ALG10B: variants seen among roughly 807,000 people sequenced by gnomAD.
ALG10B encodes the protein dol-P-Glc:Glc(2)Man(9)GlcNAc(2)-PP-Dol alpha-1,2-glucosyltransferase B.
In ALG10B, 27 loss-of-function variants were observed where a neutral mutation model predicts 38.7. The observed-to-expected ratio is 0.70, with a 90% CI of 0.51 to 0.96. The LOEUF (loss-of-function observed/expected upper bound fraction) is 0.96, where lower values mean the gene tolerates loss of function less well. Ranked by LOEUF, ALG10B falls within the 40% of genes least tolerant of loss-of-function variation. ALG10B has a pLI of 0.00. For missense variants in ALG10B, 522 were observed against 542.7 expected, an observed-to-expected ratio of 0.96 and a Z score of 0.38; for synonymous variants, 177 against 193.3, an observed-to-expected ratio of 0.92 and a Z score of 0.70.
Position 38,328,840 on chromosome 12 carries a change from C to T in ALG10B, c.*7627C>T, listed in dbSNP as rs1286854537. On this transcript the variant is annotated 3_prime_UTR_variant, in exon 3 of 3. Transcript: ENST00000308742. ...CCACAAACAATGAGTGATGATATCT[C>T]ATTTGAAAACTCGTGTAACATTGTA... 1.1e-5 allele frequency: 2 copies of T among 188,336 alleles called. No individual in the cohort carries two copies. Among genetic ancestry groups the T allele is most frequent in the African/African-American group, 4.6e-5 (2 of 43,122 alleles). The allele number at this position is 188,336 out of a possible 1,614,324, so 11.7% of individuals were successfully genotyped here.
At position 38,329,087 on chromosome 12, in the gene ALG10B, A is replaced by T; in HGVS notation, c.*7874A>T. ...GAGAAAGGCATGAAGTCTACCTTCA[A>T]ATTCATGGCATTTTAGAAGGAAAAA... On this transcript the variant is annotated 3_prime_UTR_variant, in exon 3 of 3. Coordinates refer to ENST00000308742, the MANE Select transcript of ALG10B (RefSeq NM_001013620.4). The T allele has an allele frequency of 2.5e-6, 1 of 397,268 alleles. No homozygotes were observed. The highest frequency in any genetic ancestry group is 1.3e-4 in the South Asian group (1 of 7,622). The allele number at this position is 397,268 out of a possible 1,614,324, so 24.6% of individuals were successfully genotyped here. A position where few individuals can be genotyped will look rare whatever the true frequency, so the allele number is the denominator to read the frequency against.
In ALG10B at chr12:38,317,072, G is replaced by A. The variant is rs775066889; in HGVS notation, c.171+8G>A. ...CATTTCTCCCTTTCCCAGGTGGGGT[G>A]CCCAACCTGTCCCCACCCCAGGAGA... On this transcript the variant is annotated splice_region_variant and intron_variant, in intron 1 of 2. Transcript: ENST00000308742. 6.2e-7 allele frequency: 1 copy of A among 1,613,942 alleles called. No homozygotes were observed. The highest frequency in any genetic ancestry group is 1.3e-5 in the African/African-American group (1 of 74,892).
chr12:38,316,909 G>A lies in ALG10B; in HGVS notation c.16G>A (p.Gly6Ser), dbSNP rs760677128. 1.2e-6 allele frequency: 2 copies of A among 1,614,146 alleles called. No homozygotes were observed. The highest frequency in any genetic ancestry group is 2.2e-5 in the East Asian group (1 of 44,854). ...GGGAGCAGGAATGGCGCAGCTAGAG[G>A]GTTACTGTTTCTCGGCCGCCTTGAG... is the stretch of plus-strand genomic sequence containing the variant. MAQLE[G>S]YCFSAALSCT... The change falls in exon 1 of 3, where the codon GGT (glycine) becomes AGT (serine). Residue 6 changes from glycine (G) to serine (S), a missense_variant. Gly to Ser is a moderately conservative substitution (Grantham distance 56, BLOSUM62 0). Transcript: ENST00000308742.
Position 38,329,102 on chromosome 12 carries a change from A to G in ALG10B, c.*7889A>G, listed in dbSNP as rs1357882441. ...TCTACCTTCAAATTCATGGCATTTTAGAAGGAAAAATTGTCGCAAGTAATG... is the reference window on the plus strand; with the variant it reads ...TCTACCTTCAAATTCATGGCATTTTGGAAGGAAAAATTGTCGCAAGTAATG... On this transcript the variant is annotated 3_prime_UTR_variant, in exon 3 of 3. Coordinates refer to ENST00000308742, the MANE Select transcript of ALG10B (RefSeq NM_001013620.4). The G allele has an allele frequency of 2.5e-6, 1 of 397,698 alleles. No homozygotes were observed. The highest frequency in any genetic ancestry group is 4.4e-6 in the Non-Finnish European group (1 of 225,606). 24.6% of individuals were successfully genotyped at this position (397,698 alleles called of 1,614,324 possible).
chr12:38,317,245 T>C (rs1323135453), intron 1 of ALG10B, 181 bp downstream of exon 1: 12 of 856,364 alleles, frequency 1.4e-5, no homozygotes, highest in Non-Finnish European at 1.9e-5. Flanking sequence ...ATTTATTAAA[T>C]GAATGAATAA....
rs1269721653 is a variant in ALG10B, at chr12:38,323,723, T to C, written c.*2510T>C. 2.9e-5 allele frequency: 17 copies of C among 594,734 alleles called. No individual in the cohort carries two copies. The highest frequency in any genetic ancestry group is 4.2e-5 in the Non-Finnish European group (14 of 336,942). 36.8% of individuals were successfully genotyped at this position (594,734 alleles called of 1,614,324 possible). A position where few individuals can be genotyped will look rare whatever the true frequency, so the allele number is the denominator to read the frequency against. ...TCGGCATTAGTTATAACAGTGATTG[T>C]AGAAAAACGTGTTTTACCCAGACTT... On this transcript the variant is annotated 3_prime_UTR_variant, in exon 3 of 3. Transcript: ENST00000308742.
Position 38,316,876 on chromosome 12 carries a change from G to A in ALG10B, c.-18G>A. 1 of 1,614,112 alleles carries A rather than the reference G, an allele frequency of 6.2e-7. No homozygotes were observed. Among genetic ancestry groups the A allele is most frequent in the Non-Finnish European group, 8.5e-7 (1 of 1,179,990 alleles). ...TTTTCCAGGAGTGGGTTCTTGGGCA[G>A]TGGCTGTGGGAGCAGGAATGGCGCA... On this transcript the variant is annotated 5_prime_UTR_variant, in exon 1 of 3. It adds an upstream start codon to the 5' untranslated region. Transcript: ENST00000308742.
In ALG10B at chr12:38,327,046, T is replaced by C. The variant is rs1459353007; in HGVS notation, c.*5833T>C. 3 of 149,256 alleles carry C rather than the reference T, an allele frequency of 2.0e-5. No individual in the cohort carries two copies. The allele number at this position is 149,256 out of a possible 1,614,324, so 9.2% of individuals were successfully genotyped here. A position where few individuals can be genotyped will look rare whatever the true frequency, so the allele number is the denominator to read the frequency against. On this transcript the variant is annotated 3_prime_UTR_variant, in exon 3 of 3. Coordinates refer to ENST00000308742, the MANE Select transcript of ALG10B (RefSeq NM_001013620.4). ...AAATACATATATATATATTTATATATACAAATATATACGTATTTATATATA... is the reference window on the plus strand; with the variant it reads ...AAATACATATATATATATTTATATACACAAATATATACGTATTTATATATA...
chr12:38,321,406 C>G lies in ALG10B; in HGVS notation c.*193C>G, dbSNP rs1266814899. 13 of 497,744 alleles carry G rather than the reference C, an allele frequency of 2.6e-5. No individual in the cohort carries two copies. The East Asian group carries it at 3.1e-4, about 12-fold the overall frequency. 30.8% of individuals were successfully genotyped at this position (497,744 alleles called of 1,614,324 possible). ...GCAAAGAACTGGGAAAGCTTAAGAC[C>G]TGCTTCAAAAGCCTGAATAATGGGA... On this transcript the variant is annotated 3_prime_UTR_variant, in exon 3 of 3. Transcript: ENST00000308742.
Position 38,329,482 on chromosome 12 carries a change from A to AC in ALG10B, c.*8269_*8270insC, listed in dbSNP as rs1299007485. 8.8e-6 allele frequency: 3 copies of AC among 340,716 alleles called. No individual in the cohort carries two copies. 21.1% of individuals were successfully genotyped at this position (340,716 alleles called of 1,614,324 possible). ...ACAGGACATACTTTAGATATTTGAAAAATTCTCTGTGGAATCACAATCTCT... is the reference window on the plus strand; with the variant it reads ...ACAGGACATACTTTAGATATTTGAAACAATTCTCTGTGGAATCACAATCTCT... On this transcript the variant is annotated 3_prime_UTR_variant, in exon 3 of 3. Transcript: ENST00000308742.
At position 38,320,425 on chromosome 12, in the gene ALG10B, G is replaced by T. The variant is rs751486321; in HGVS notation, c.634G>T (p.Glu212Ter). Residue 212 changes from glutamate (E) to a stop codon, truncating the protein, a stop_gained, in exon 3 of 3, where the codon GAG becomes TAG. Transcript: ENST00000308742. LOFTEE classifies it high-confidence loss of function. ...AQKLTEAWKT[E>*]LQKKEDRLPP... ...AAAGTTAACTGAGGCTTGGAAAACTGAGCTACAAAAGAAGGAAGACAGACT... is the reference window on the plus strand; with the variant it reads ...AAAGTTAACTGAGGCTTGGAAAACTTAGCTACAAAAGAAGGAAGACAGACT... The T allele has an allele frequency of 3.1e-6, 5 of 1,613,954 alleles. No homozygotes were observed. In the South Asian group the frequency reaches 5.5e-5, roughly 18 times the overall value.
In ALG10B at chr12:38,328,491, T is replaced by C. The variant is rs1329953034; in HGVS notation, c.*7278T>C. On this transcript the variant is annotated 3_prime_UTR_variant, in exon 3 of 3. Transcript: ENST00000308742. ...AAAGGCTGAGCACTATCTGTAAAAA[T>C]TTTTAAGGTGTCCACTAGGTGGAGA... 6.6e-6 allele frequency: 1 copy of C among 151,974 alleles called. No individual in the cohort carries two copies. Among genetic ancestry groups the C allele is most frequent in the Non-Finnish European group, 1.5e-5 (1 of 67,992 alleles). 9.4% of individuals were successfully genotyped at this position (151,974 alleles called of 1,614,324 possible).
rs1399780477 is a variant in ALG10B, at chr12:38,327,175, G to C, written c.*5962G>C. ...GGGTGTCACTATGTTGTGTGGGCTG[G>C]TCTCAAAACACCTGCCTCAAGTGAT... On this transcript the variant is annotated 3_prime_UTR_variant, in exon 3 of 3. Coordinates refer to ENST00000308742, the MANE Select transcript of ALG10B (RefSeq NM_001013620.4). 6.7e-6 allele frequency: 1 copy of C among 150,038 alleles called. No homozygotes were observed. The highest frequency in any genetic ancestry group is 2.5e-5 in the African/African-American group (1 of 40,716). The allele number at this position is 150,038 out of a possible 1,614,324, so 9.3% of individuals were successfully genotyped here.
In ALG10B at chr12:38,320,465, G is replaced by T. The variant is rs1263129774; in HGVS notation, c.674G>T (p.Gly225Val). ...GAAGACAGACTTCCACCTATTAAAG[G>T]ACCATTTGCAGAATTCAGAAAAATT... The part of the protein sequence containing the change: ...KKEDRLPPIK[G>V]PFAEFRKILQ... The change falls in exon 3 of 3, where the codon GGA (glycine) becomes GTA (valine). Residue 225 changes from glycine to valine, a missense_variant. Coordinates refer to ENST00000308742, the MANE Select transcript of ALG10B (RefSeq NM_001013620.4). 1 of 1,613,886 alleles carries T rather than the reference G, an allele frequency of 6.2e-7. No homozygotes were observed. The highest frequency in any genetic ancestry group is 1.3e-5 in the African/African-American group (1 of 74,896).
At position 38,318,444 on chromosome 12, in the gene ALG10B, C is replaced by T. The variant is rs144944595; in HGVS notation, c.355C>T (p.Gln119Ter). Reference protein sequence around the residue: ...YLLYLLFHKVQPRNKAASSIQ... With the variant: ...YLLYLLFHKV ...ACTATATTTGCTTTTCCACAAGGTACAACCCAGAAACAAGGTATGTTTCAA... is the reference window on the plus strand; with the variant it reads ...ACTATATTTGCTTTTCCACAAGGTATAACCCAGAAACAAGGTATGTTTCAA... Residue 119 changes from glutamine to a stop codon, truncating the protein, a stop_gained, in exon 2 of 3, where the codon CAA (glutamine) becomes TAA (stop). Coordinates refer to ENST00000308742, the MANE Select transcript of ALG10B (RefSeq NM_001013620.4). LOFTEE classifies it high-confidence loss of function. 165 of 1,613,970 alleles carry T rather than the reference C, an allele frequency of 1.0e-4. No homozygotes were observed. The highest frequency in any genetic ancestry group is 3.5e-4 in the Admixed American group (21 of 60,000).
In ALG10B at chr12:38,322,791, C is replaced by T. The variant is rs1945714379; in HGVS notation, c.*1578C>T. 6.6e-6 allele frequency: 1 copy of T among 152,128 alleles called. No individual in the cohort carries two copies. The highest frequency in any genetic ancestry group is 2.1e-4 in the South Asian group (1 of 4,824). 9.4% of individuals were successfully genotyped at this position (152,128 alleles called of 1,614,324 possible). On this transcript the variant is annotated 3_prime_UTR_variant, in exon 3 of 3. Coordinates refer to ENST00000308742, the MANE Select transcript of ALG10B (RefSeq NM_001013620.4). The stretch of plus-strand genomic sequence containing the variant: ...TTCCCACATCCCCGGCCTCTAGCAA[C>T]CATCATTCTTCTCTCTACTTCTGTG...
Position 38,320,263 on chromosome 12 carries a change from T to A in ALG10B, c.472T>A (p.Phe158Ile). The A allele has an allele frequency of 6.2e-7, 1 of 1,614,102 alleles. No individual in the cohort carries two copies. Among genetic ancestry groups the A allele is most frequent in the Non-Finnish European group, 8.5e-7 (1 of 1,179,960 alleles). ...TTATTATACAGAAGCAGGATCTATG[T>A]TTTTTACTCTTTTTGCATATTTGAT... ...FLYYTEAGSM[F>I]FTLFAYLMCL... is the part of the protein sequence containing the mutation. Residue 158 changes from phenylalanine to isoleucine, a missense_variant, in exon 3 of 3, where the codon TTT becomes ATT. Transcript: ENST00000308742.
chr12:38,320,946 T>G lies in ALG10B; in HGVS notation c.1155T>G (p.Ala385=). ...PAYIFAGWSI[A]DSLKSKPIFW... ...ATATATTTGCTGGTTGGAGTATAGC[T>G]GACTCATTGAAATCAAAGCCAATTT... Residue 385 remains alanine (A), a synonymous_variant, in exon 3 of 3, where the codon GCT becomes GCG. Coordinates refer to ENST00000308742, the MANE Select transcript of ALG10B (RefSeq NM_001013620.4). 6.2e-7 allele frequency: 1 copy of G among 1,613,794 alleles called. No individual in the cohort carries two copies. The highest frequency in any genetic ancestry group is 8.5e-7 in the Non-Finnish European group (1 of 1,179,848).
chr12:38,326,650 T>G lies in ALG10B; in HGVS notation c.*5437T>G, dbSNP rs961756042. On this transcript the variant is annotated 3_prime_UTR_variant, in exon 3 of 3. Coordinates refer to ENST00000308742, the MANE Select transcript of ALG10B (RefSeq NM_001013620.4). ...TCAACTAATTACAAATACTTTGTTTTTTTTAGTTGGGCTACATTTTACCAC... is the reference window on the plus strand; with the variant it reads ...TCAACTAATTACAAATACTTTGTTTGTTTTAGTTGGGCTACATTTTACCAC... 2 of 151,884 alleles carry G rather than the reference T, an allele frequency of 1.3e-5. No homozygotes were observed. The highest frequency in any genetic ancestry group is 2.9e-5 in the Non-Finnish European group (2 of 67,952). 9.4% of individuals were successfully genotyped at this position (151,884 alleles called of 1,614,324 possible).
Sources: allele counts gnomAD v4.1 joint callset, GRCh38; gene constraint gnomAD v4.1.1; transcripts MANE v1.5; gene names NCBI Gene and HGNC (gene_info 2026-07-23, HGNC 2026-07-21).